TTC28: variants seen among roughly 807,000 people sequenced by gnomAD.
The protein encoded by TTC28 is tetratricopeptide repeat domain 28.
Under a neutral mutation model 198.0 loss-of-function variants are expected in TTC28, and 61 were observed. The observed-to-expected ratio is 0.31, with a 90% CI of 0.25 to 0.38. The LOEUF is 0.38. Among genes scored for constraint, TTC28 ranks in the 10% least tolerant of loss-of-function variants. TTC28 has a pLI of 1.00. For synonymous variants in TTC28, 1,171 were observed against 1,297.8 expected (o/e 0.90, Z 2.10); for missense variants, 2,678 against 3,164.0 (o/e 0.85, Z 3.69).
chr22:28,604,648 G>A (rs1336938341), intron 2 of TTC28, among the ~76,000 whole-genome samples: 2 of 152,074 alleles, frequency 1.3e-5, no homozygotes, highest in South Asian at 2.1e-4. Flanking sequence ...GGAAGCTGAG[G>A]CAGGAGAACT....
At chr22:28,382,578 C>G (rs769136822) in intron 2 of TTC28, among the ~76,000 whole-genome samples, 1 of 152,134 alleles carries the variant, frequency 6.6e-6, no homozygotes, top group Non-Finnish European at 1.5e-5. Flanking sequence ...AACAGAAAAG[C>G]TAAAATGCAA....
chr22:28,398,489 C>T (rs1227078703), intron 2 of TTC28, among the ~76,000 whole-genome samples: 2 of 152,200 alleles, frequency 1.3e-5, no homozygotes, highest in Non-Finnish European at 2.9e-5. Flanking sequence ...CTTCAGTCAG[C>T]CTCCATTTCT....
At chr22:28,391,594 A>G (rs920379865) in intron 2 of TTC28, among the ~76,000 whole-genome samples, 2 of 151,846 alleles carry the variant, frequency 1.3e-5, no homozygotes, top group African/African-American at 4.8e-5. Context: ...CATTCACTTC[A>G]TCTTCCATCG....
At chr22:28,001,668 G>A in intron 14 of TTC28, 115 bp from the exon 15 acceptor site, 2 of 1,225,566 alleles carry the variant, frequency 1.6e-6, no homozygotes, top group East Asian at 2.6e-5. Context: ...GGTGAGGCCT[G>A]TGGGGGTGTG....
intron 5 of TTC28, among the ~76,000 whole-genome samples, chr22:28,213,867 C>T (rs182270860): frequency 0.01 from 1,531 of 152,100 alleles, 20 homozygotes; most frequent in African/African-American, 0.031. Context: ...TCACGCTACC[C>T]GACTTCAAAC....
chr22:28,305,439 A>T (rs1245212604), intron 3 of TTC28, among the ~76,000 whole-genome samples: 1 of 152,210 alleles, frequency 6.6e-6, no homozygotes, highest in Non-Finnish European at 1.5e-5. Flanking sequence ...GCTATGAATT[A>T]CCCAGAGACC....
chr22:28,042,825 A>C (rs1480681076), intron 12 of TTC28, among the ~76,000 whole-genome samples: 1 of 152,216 alleles, frequency 6.6e-6, no homozygotes, highest in African/African-American at 2.4e-5. Context: ...AGAAGAACCC[A>C]AGAAACAGAG....
chr22:28,184,380 A>C (rs1464628328), intron 5 of TTC28, among the ~76,000 whole-genome samples: 1 of 152,138 alleles, frequency 6.6e-6, no homozygotes, highest in African/African-American at 2.4e-5. Context: ...AATCCTAGAA[A>C]TGTCATTTCC....
At chr22:28,127,252 G>T (rs745875177) in intron 6 of TTC28, among the ~76,000 whole-genome samples, 1 of 152,160 alleles carries the variant, frequency 6.6e-6, no homozygotes, top group Non-Finnish European at 1.5e-5. Context: ...AGGCTGTCAT[G>T]AACTGGAATC....
At chr22:28,114,398 G>A (rs1942575614) in intron 6 of TTC28, among the ~76,000 whole-genome samples, 1 of 152,154 alleles carries the variant, frequency 6.6e-6, no homozygotes, top group Non-Finnish European at 1.5e-5. Flanking sequence ...GTGAGGAGGA[G>A]GTGACAGACC....
intron 12 of TTC28, among the ~76,000 whole-genome samples, chr22:28,066,275 C>CGTGTGTGTGTGT (rs796325170): frequency 7.4e-6 from 1 of 135,602 alleles, no homozygotes; most frequent in East Asian, 2.0e-4. Context: ...ACCTAGTTAC[C>CGTGTGTGTGTGT]GTGTGTGTGT....
intron 2 of TTC28, among the ~76,000 whole-genome samples, chr22:28,500,284 T>C (rs2048517956): frequency 6.6e-6 from 1 of 152,186 alleles, no homozygotes; most frequent in Admixed American, 6.5e-5. Context: ...TTATACAATG[T>C]GTGGTCTTTT....
In TTC28 at chr22:28,066,274, CCG is replaced by C. The variant is rs1491366582; in HGVS notation, c.3932+27804_3932+27805del. Among the ~76,000 whole-genome samples the C allele has an allele frequency of 4.3e-5, 6 of 139,654 alleles. No homozygotes were observed. In the Admixed American group the frequency reaches 4.4e-4, roughly 10 times the overall value. The allele number at this position is 139,654 out of a possible 152,430, so 91.6% of individuals were successfully genotyped here. ...ACACATTAATTACCTTACCTAGTTA[CCG>C]TGTGTGTGTGTGTGTGTGTGTGTGT... On this transcript the variant is annotated intron_variant, in intron 12 of 22. Coordinates refer to ENST00000397906, the MANE Select transcript of TTC28 (RefSeq NM_001145418.2).
intron 2 of TTC28, among the ~76,000 whole-genome samples, chr22:28,322,058 G>C (rs927951419): frequency 6.6e-6 from 1 of 152,094 alleles, no homozygotes; most frequent in Non-Finnish European, 1.5e-5. Context: ...TCTCGAACTT[G>C]TGACCCTGTG....
At chr22:28,593,867 T>G (rs939811604) in intron 2 of TTC28, among the ~76,000 whole-genome samples, 3 of 152,150 alleles carry the variant, frequency 2.0e-5, no homozygotes, top group Non-Finnish European at 4.4e-5. Context: ...TAAATCCCTG[T>G]GCAATAGGTA....
intron 5 of TTC28, among the ~76,000 whole-genome samples, chr22:28,206,952 C>T (rs558713324): frequency 5.9e-4 from 90 of 152,204 alleles, no homozygotes; most frequent in Admixed American, 2.6e-4. Context: ...GACAGTAAAA[C>T]TCGAAGGACA....
At chr22:28,347,788 G>A (rs2045931022) in intron 2 of TTC28, among the ~76,000 whole-genome samples, 1 of 152,240 alleles carries the variant, frequency 6.6e-6, no homozygotes, top group South Asian at 2.1e-4. Flanking sequence ...CAGAATAATT[G>A]CTGGAACCCA....
At chr22:28,032,265 A>AGTGTG (rs1482000294) in intron 12 of TTC28, among the ~76,000 whole-genome samples, 2 of 91,690 alleles carry the variant, frequency 2.2e-5, no homozygotes, top group African/African-American at 1.0e-4. Context: ...ATATATATAT[A>AGTGTG]TAGTGTGTGT....
chr22:28,045,032 T>C (rs1260389656), intron 12 of TTC28, among the ~76,000 whole-genome samples: 5 of 152,118 alleles, frequency 3.3e-5, no homozygotes. Flanking sequence ...CCATTACTTG[T>C]TGTCTTATTT....
Sources: allele counts gnomAD v4.1 joint callset (sites outside exome capture counted in the v4.1 genomes callset), GRCh38; gene constraint gnomAD v4.1.1; transcripts MANE v1.5; gene names NCBI Gene and HGNC (gene_info 2026-07-23, HGNC 2026-07-21).